Variants in SORCS1 observed in about 807,000 individuals in gnomAD.
SORCS1 encodes sortilin related VPS10 domain containing receptor 1.
Under a neutral mutation model 146.1 loss-of-function variants are expected in SORCS1, and 60 were observed. That is an observed-to-expected ratio of 0.41 (90% confidence interval 0.33 to 0.51). The LOEUF (loss-of-function observed/expected upper bound fraction) is 0.51. Ranked by LOEUF, SORCS1 falls within the 20% of genes least tolerant of loss-of-function variation. The probability of loss-of-function intolerance (pLI) is 0.21; values close to 1 mark genes in which losing one functional copy is unlikely to be tolerated. For synonymous variants in SORCS1, 637 were observed against 584.0 expected (o/e 1.09, Z -1.31); for missense variants, 1,352 against 1,487.6 (o/e 0.91, Z 1.50).
chr10:107,102,663 A>C (rs1965008040), intron 1 of SORCS1, among the ~76,000 whole-genome samples: 1 of 152,216 alleles, frequency 6.6e-6, no homozygotes, highest in South Asian at 2.1e-4. Context: ...GAAGACTCTG[A>C]GCATCTACAT....
intron 2 of SORCS1, among the ~76,000 whole-genome samples, chr10:106,855,299 T>A (rs1298910906): frequency 2.0e-5 from 3 of 152,220 alleles, no homozygotes; most frequent in South Asian, 2.1e-4. Context: ...AAGTTTTTTT[T>A]AAATCTTTGA....
intron 18 of SORCS1, among the ~76,000 whole-genome samples, chr10:106,640,010 CA>C (rs148627015): frequency 8.3e-5 from 12 of 145,050 alleles, no homozygotes; most frequent in South Asian, 4.4e-4. Context: ...GGGTGTGTCT[CA>C]AAAAAAAAAC....
intron 4 of SORCS1, 100 bp from the exon 5 acceptor site, chr10:106,761,761 A>G (rs1227593601): frequency 7.9e-6 from 8 of 1,013,286 alleles, no homozygotes; most frequent in African/African-American, 1.6e-5. Flanking sequence ...AATACCCAAC[A>G]TTTACTGAAC....
chr10:106,867,287 AT>A lies in SORCS1; in HGVS notation c.627-37615del, dbSNP rs57311191. Reference sequence around the variant, plus strand: ...AGGACAGATTGGAAGCTTATATTAAATTTTTTTTTTTTTTTGAAACGGAGTC... The same window carrying A: ...AGGACAGATTGGAAGCTTATATTAAATTTTTTTTTTTTTTGAAACGGAGTC... On this transcript the variant is annotated intron_variant, in intron 2 of 25. Transcript: ENST00000263054. Among the ~76,000 whole-genome samples the A allele has an allele frequency of 6.3e-3, 911 of 144,704 alleles. 2 individuals are homozygous for A. Among genetic ancestry groups the A allele is most frequent in the Non-Finnish European group, 9.8e-3 (644 of 65,486 alleles). The allele number at this position is 144,704 out of a possible 152,430, so 94.9% of individuals were successfully genotyped here.
chr10:107,053,698 G>T (rs1960343919), intron 1 of SORCS1, among the ~76,000 whole-genome samples: 2 of 152,286 alleles, frequency 1.3e-5, no homozygotes, highest in South Asian at 4.1e-4. Context: ...CAAATCAAAT[G>T]ATTCAGAAGC....
chr10:106,592,705 A>AG (rs568392033), intron 24 of SORCS1, among the ~76,000 whole-genome samples: 5 of 151,458 alleles, frequency 3.3e-5, no homozygotes, highest in Non-Finnish European at 7.4e-5. Flanking sequence ...CCCTGCCTAC[A>AG]GGGGGGATGA....
At chr10:106,608,066 C>T (rs1035467947) in intron 22 of SORCS1, among the ~76,000 whole-genome samples, 1 of 152,254 alleles carries the variant, frequency 6.6e-6, no homozygotes, top group Non-Finnish European at 1.5e-5. Flanking sequence ...CCTGAATCCT[C>T]TCTCTAGATG....
chr10:106,842,575 T>TA (rs1309857024), intron 2 of SORCS1, among the ~76,000 whole-genome samples: 1 of 151,974 alleles, frequency 6.6e-6, no homozygotes, highest in South Asian at 2.1e-4. Flanking sequence ...TTGTCATTTT[T>TA]AAAAAATGGC....
At chr10:106,673,136 C>CT (rs11397124) in intron 14 of SORCS1, 151 bp from the exon 15 acceptor site, 290,175 of 447,930 alleles carry the variant, frequency 0.65, 69,390 homozygotes, top group African/African-American at 0.81. Flanking sequence ...GAAGAGGGTA[C>CT]TTTTTTTTTT....
At position 106,886,673 on chromosome 10, in the gene SORCS1, T is replaced by C. The variant is rs114778482; in HGVS notation, c.627-57000A>G. On this transcript the variant is annotated intron_variant, in intron 2 of 25. Coordinates refer to ENST00000263054, the MANE Select transcript of SORCS1 (RefSeq NM_052918.5). ...CTCTGCAGGTATCATTCATTAGAAG[T>C]AAACTAAATGTACCAACATTCACAC... Among the ~76,000 whole-genome samples, 1,213 of 152,318 alleles carry C rather than the reference T, an allele frequency of 8.0e-3. 20 individuals carry two copies. Among genetic ancestry groups the C allele is most frequent in the African/African-American group, 0.028 (1,158 of 41,576 alleles).
intron 2 of SORCS1, among the ~76,000 whole-genome samples, chr10:106,880,653 G>C (rs1950771593): frequency 6.6e-6 from 1 of 152,126 alleles, no homozygotes; most frequent in Admixed American, 6.5e-5. Flanking sequence ...TATGAAGAGT[G>C]TTTGAAACTC....
At chr10:107,045,410 G>C (rs1226921260) in intron 1 of SORCS1, among the ~76,000 whole-genome samples, 2 of 152,130 alleles carry the variant, frequency 1.3e-5, no homozygotes, top group African/African-American at 2.4e-5. Flanking sequence ...TCAATAAAAT[G>C]AATCTGACCT....
chr10:107,028,319 G>C (rs1471482375), intron 1 of SORCS1, among the ~76,000 whole-genome samples: 1 of 152,162 alleles, frequency 6.6e-6, no homozygotes, highest in African/African-American at 2.4e-5. Context: ...TGTGAAATGG[G>C]CATCAGGGAA....
At chr10:106,932,659 C>A (rs748489957) in intron 2 of SORCS1, among the ~76,000 whole-genome samples, 61 of 152,314 alleles carry the variant, frequency 4.0e-4, no homozygotes, top group Non-Finnish European at 2.5e-4. Context: ...CCAAGTTTTG[C>A]TCTAAGGACA....
intron 2 of SORCS1, among the ~76,000 whole-genome samples, chr10:106,922,701 C>A (rs527755434): frequency 1.2e-4 from 19 of 152,040 alleles, no homozygotes; most frequent in African/African-American, 4.6e-4. Context: ...CTATTATTAT[C>A]GCCCAAATCC....
the SORCS1 span, among the ~76,000 whole-genome samples, chr10:107,180,116 A>C: frequency 6.6e-6 from 1 of 151,552 alleles, no homozygotes; most frequent in Admixed American, 6.6e-5. Context: ...AGGTCTCACT[A>C]TGTTGCTCAG....
At chr10:106,922,948 G>A (rs991346817) in intron 2 of SORCS1, among the ~76,000 whole-genome samples, 1 of 150,406 alleles carries the variant, frequency 6.6e-6, no homozygotes, top group Non-Finnish European at 1.5e-5. Context: ...GAGTGTGGTG[G>A]CGCAATCTCA....
intron 4 of SORCS1, among the ~76,000 whole-genome samples, chr10:106,765,780 A>G (rs137933407): frequency 1.2e-3 from 175 of 152,018 alleles, no homozygotes; most frequent in African/African-American, 3.5e-3. Flanking sequence ...GCTACTAGAT[A>G]AGAAATTCAA....
At chr10:106,988,205 A>G (rs1364274837) in intron 1 of SORCS1, among the ~76,000 whole-genome samples, 1 of 152,234 alleles carries the variant, frequency 6.6e-6, no homozygotes, top group Non-Finnish European at 1.5e-5. Flanking sequence ...CTATAGAGTC[A>G]TGCCATACTC....
Sources: allele counts gnomAD v4.1 joint callset (sites outside exome capture counted in the v4.1 genomes callset), GRCh38; gene constraint gnomAD v4.1.1; transcripts MANE v1.5; gene names NCBI Gene and HGNC (gene_info 2026-07-23, HGNC 2026-07-21).